OSBP2: variants seen among roughly 807,000 people sequenced by gnomAD.
The protein encoded by OSBP2 is oxysterol-binding protein 2.
A neutral mutation model predicts 96.0 loss-of-function variants in OSBP2; 66 were observed. That is an observed-to-expected ratio of 0.69 (90% confidence interval 0.56 to 0.84). OSBP2 has a LOEUF of 0.84. Among genes scored for constraint, OSBP2 ranks in the 40% least tolerant of loss-of-function variants. The pLI, the probability that OSBP2 is intolerant of heterozygous loss-of-function variation, is 0.00. For synonymous variants in OSBP2, 525 were observed against 520.9 expected (o/e 1.01, Z -0.11); for missense variants, 1,038 against 1,222.7 (o/e 0.85, Z 2.25).
At chr22:30,752,604 T>C (rs894068555) in intron 2 of OSBP2, among the ~76,000 whole-genome samples, 1 of 152,078 alleles carries the variant, frequency 6.6e-6, no homozygotes, top group Non-Finnish European at 1.5e-5. Flanking sequence ...GTTCTTATTA[T>C]GCAGATGAAG....
At chr22:30,754,667 C>T (rs1253816330) in intron 2 of OSBP2, among the ~76,000 whole-genome samples, 1 of 152,156 alleles carries the variant, frequency 6.6e-6, no homozygotes, top group Non-Finnish European at 1.5e-5. Context: ...TCTCCCTTGG[C>T]CTCAGGGAAG....
intron 1 of OSBP2, among the ~76,000 whole-genome samples, chr22:30,736,483 C>A (rs1198734582): frequency 6.6e-6 from 1 of 152,174 alleles, no homozygotes; most frequent in African/African-American, 2.4e-5. Flanking sequence ...CCCATCCAAT[C>A]CCTGACCCTG....
chr22:30,844,780 G>A (rs983918607), intron 2 of OSBP2: 3 of 152,204 alleles, frequency 2.0e-5, no homozygotes, highest in Non-Finnish European at 2.9e-5. Flanking sequence ...TGGCTAATTA[G>A]TGCAAGAGGC....
Position 30,822,731 on chromosome 22 carries a change from A to G in OSBP2, c.854-47698A>G, listed in dbSNP as rs1276268391. 4 of 1,510,630 alleles carry G rather than the reference A, an allele frequency of 2.6e-6. No homozygotes were observed. In the African/African-American group the frequency reaches 5.6e-5, roughly 21 times the overall value. 93.6% of individuals were successfully genotyped at this position (1,510,630 alleles called of 1,614,324 possible). A position where few individuals can be genotyped will look rare whatever the true frequency, so the allele number is the denominator to read the frequency against. On this transcript the variant is annotated intron_variant, in intron 2 of 13. Coordinates refer to ENST00000332585, the MANE Select transcript of OSBP2 (RefSeq NM_030758.4). ...AAGGGTTAGTGCTTGCCGGGCTTCC[A>G]CCCGGAGGGAGGCCAGGCTCCCCGC...
At chr22:30,837,400 C>G (rs2038658477) in intron 2 of OSBP2, among the ~76,000 whole-genome samples, 2 of 152,194 alleles carry the variant, frequency 1.3e-5, no homozygotes, top group South Asian at 4.1e-4. Context: ...ACTGAGACCC[C>G]TTTTGCTGGG....
intron 1 of OSBP2, among the ~76,000 whole-genome samples, chr22:30,740,499 G>GA (rs2089924214): frequency 6.6e-6 from 1 of 152,202 alleles, no homozygotes; most frequent in African/African-American, 2.4e-5. Flanking sequence ...TCGGGAAAGG[G>GA]CTGTTCCCAT....
At chr22:30,825,404 C>T (rs2038377232) in intron 2 of OSBP2, among the ~76,000 whole-genome samples, 1 of 152,142 alleles carries the variant, frequency 6.6e-6, no homozygotes, top group Non-Finnish European at 1.5e-5. Flanking sequence ...AAACAAAAAG[C>T]CCTACTCACC....
chr22:30,774,008 T>G (rs1467689488), intron 2 of OSBP2, among the ~76,000 whole-genome samples: 1 of 152,014 alleles, frequency 6.6e-6, no homozygotes, highest in Non-Finnish European at 1.5e-5. Context: ...GTGTCTGAGT[T>G]TGTACCTATG....
Position 30,893,996 on chromosome 22 carries a change from G to A in OSBP2, c.2370G>A (p.Pro790=), listed in dbSNP as rs756515175. The A allele has an allele frequency of 8.8e-5, 140 of 1,590,710 alleles. No homozygotes were observed. The highest frequency in any genetic ancestry group is 2.4e-4 in the South Asian group (21 of 87,834). Residue 790 remains proline, a synonymous_variant, in exon 12 of 14, where the codon CCG becomes CCA. Coordinates refer to ENST00000332585, the MANE Select transcript of OSBP2 (RefSeq NM_030758.4). ...CCAAGCTGCTGTGGAAGAAGTACCCGCTGCCGTGAGTAGGGCTGGCAGGGG... is the reference window on the plus strand; with the variant it reads ...CCAAGCTGCTGTGGAAGAAGTACCCACTGCCGTGAGTAGGGCTGGCAGGGG... The part of the protein sequence containing the change: ...LSAKLLWKKY[P]LPENAENMYY...
intron 12 of OSBP2, among the ~76,000 whole-genome samples, chr22:30,899,402 CAAAAAA>C (rs59384656): frequency 2.9e-4 from 25 of 86,614 alleles, no homozygotes; most frequent in Admixed American, 2.6e-4. Flanking sequence ...GACCCTATCT[CAAAAAA>C]AAAAAAAAAA....
chr22:30,889,058 C>T (rs957374827), intron 5 of OSBP2, 119 bp from the exon 6 acceptor site: 3 of 811,018 alleles, frequency 3.7e-6, no homozygotes, highest in East Asian at 2.6e-5. Context: ...ACAGAACACA[C>T]GGCAGTGACC....
intron 2 of OSBP2, among the ~76,000 whole-genome samples, chr22:30,815,857 G>C (rs551749194): frequency 3.9e-5 from 6 of 151,968 alleles, no homozygotes; most frequent in Admixed American, 1.3e-4. Context: ...TATAGCTGTC[G>C]AGCATTTGAG....
intron 2 of OSBP2, among the ~76,000 whole-genome samples, chr22:30,841,835 CA>C (rs2038758830): frequency 6.6e-6 from 1 of 151,858 alleles, no homozygotes; most frequent in African/African-American, 2.4e-5. Context: ...TTGTCTGTAC[CA>C]AAAACAACAA....
intron 1 of OSBP2, among the ~76,000 whole-genome samples, chr22:30,707,220 C>T (rs1053387463): frequency 7.2e-5 from 11 of 152,140 alleles, no homozygotes; most frequent in South Asian, 6.2e-4. Flanking sequence ...CCTCAGCCTC[C>T]GGAGTAGGTG....
chr22:30,731,289 T>C (rs1408546556), intron 1 of OSBP2, among the ~76,000 whole-genome samples: 2 of 152,100 alleles, frequency 1.3e-5, no homozygotes, highest in African/African-American at 4.8e-5. Context: ...ACCACCCAGC[T>C]CATTCCCTTG....
At chr22:30,760,147 C>T (rs902998005) in intron 2 of OSBP2, among the ~76,000 whole-genome samples, 4 of 149,824 alleles carry the variant, frequency 2.7e-5, no homozygotes, top group Non-Finnish European at 4.4e-5. Flanking sequence ...GGATTACAGG[C>T]GTGAGCCACT....
intron 1 of OSBP2, among the ~76,000 whole-genome samples, chr22:30,725,024 A>G (rs907570045): frequency 1.3e-5 from 2 of 151,600 alleles, no homozygotes; most frequent in African/African-American, 4.8e-5. Flanking sequence ...ATACAAAAAA[A>G]AATTAGCCGG....
intron 1 of OSBP2, among the ~76,000 whole-genome samples, chr22:30,730,762 CTCTCTCTCTCTCTATATATATATA>C (rs2089749331): frequency 2.5e-5 from 1 of 39,500 alleles, no homozygotes; most frequent in African/African-American, 9.5e-5. Context: ...CTCTCTCTCT[CTCTCTCTCTCTCTATATATATATA>C]TATATATATA....
At chr22:30,821,520 T>C (rs2038272953) in intron 2 of OSBP2, among the ~76,000 whole-genome samples, 2 of 151,944 alleles carry the variant, frequency 1.3e-5, no homozygotes, top group Admixed American at 6.6e-5. Context: ...CCGAATGATG[T>C]CACTAGCTGA....
Sources: allele counts gnomAD v4.1 joint callset (sites outside exome capture counted in the v4.1 genomes callset), GRCh38; gene constraint gnomAD v4.1.1; transcripts MANE v1.5; gene names NCBI Gene and HGNC (gene_info 2026-07-23, HGNC 2026-07-21).